HAVCR1: variants seen among roughly 807,000 people sequenced by gnomAD.
The protein encoded by HAVCR1 is T cell immunoglobin domain and mucin domain protein 1.
HAVCR1 carries 34 observed loss-of-function variants against 32.0 expected under a neutral mutation model. That is an observed-to-expected ratio of 1.06 (90% CI 0.81 to 1.42). HAVCR1 has a LOEUF of 1.42. Among genes scored for constraint, HAVCR1 ranks in the 40% most tolerant of loss-of-function variants. The probability of loss-of-function intolerance (pLI) is 0.00; values close to 1 mark genes in which losing one functional copy is unlikely to be tolerated. For missense variants in HAVCR1, 420 were observed against 442.3 expected, an observed-to-expected ratio of 0.95 and a Z score of 0.45; for synonymous variants, 178 against 170.3, an observed-to-expected ratio of 1.05 and a Z score of -0.35.
At chr5:157,060,464 T>C (rs188265006), upstream of HAVCR1, among the ~76,000 whole-genome samples, 55 of 152,286 alleles carry the variant, frequency 3.6e-4, no homozygotes, top group Non-Finnish European at 1.3e-4. Context: ...TTATCCCGGC[T>C]TAAATATGAC....
intron 1 of HAVCR1, 69 bp from the exon 2 acceptor site, chr5:157,058,024 CTCAGATTGCAACTTATCTTT>C: frequency 9.3e-7 from 1 of 1,079,716 alleles, no homozygotes; most frequent in Non-Finnish European, 1.4e-6. Flanking sequence ...AGTCTTAAAT[CTCAGATTGCAACTTATCTTT>C]TCACCCAGTT....
At chr5:157,059,500 C>G (rs1156348158), upstream of HAVCR1, among the ~76,000 whole-genome samples, 1 of 151,962 alleles carries the variant, frequency 6.6e-6, no homozygotes, top group East Asian at 1.9e-4. Context: ...CACGGTGAAA[C>G]CCCGACTCTA....
intron 3 of HAVCR1, among the ~76,000 whole-genome samples, chr5:157,053,184 C>A (rs1293920054): frequency 4.2e-5 from 6 of 142,548 alleles, no homozygotes; most frequent in Non-Finnish European, 9.1e-5. Flanking sequence ...CTCAGGAGTT[C>A]AGAGTTCCAG....
Position 157,029,849 on chromosome 5 carries a change from A to G in HAVCR1, c.987-8T>C. 1.2e-6 allele frequency: 2 copies of G among 1,609,796 alleles called. No individual in the cohort carries two copies. Among genetic ancestry groups the G allele is most frequent in the East Asian group, 2.2e-5 (1 of 44,802 alleles). ...AGGCTGCTAAATGAAACACTGTAGA[A>G]AGAGTTGTTGAAGAATAACATGAGT... On this transcript the variant is annotated splice_polypyrimidine_tract_variant and splice_region_variant and intron_variant, in intron 8 of 8. Transcript: ENST00000523175.
intron 6 of HAVCR1, among the ~76,000 whole-genome samples, chr5:157,039,628 C>T (rs932023576): frequency 5.9e-5 from 9 of 152,312 alleles, no homozygotes; most frequent in Non-Finnish European, 1.0e-4. Flanking sequence ...GAATTACAGG[C>T]GTGAGCCAGC....
chr5:157,053,554 C>A (rs894032071), intron 3 of HAVCR1, among the ~76,000 whole-genome samples: 3 of 151,966 alleles, frequency 2.0e-5, no homozygotes, highest in Non-Finnish European at 2.9e-5. Flanking sequence ...ATTGTAAGAC[C>A]TTAGTGGAAG....
chr5:157,046,966 A>C (rs1167893545), intron 5 of HAVCR1, among the ~76,000 whole-genome samples: 1 of 152,134 alleles, frequency 6.6e-6, no homozygotes, highest in Non-Finnish European at 1.5e-5. Context: ...TATCAACATG[A>C]ATTTAGGGGT....
chr5:157,059,971 C>T (rs904644996), upstream of HAVCR1, among the ~76,000 whole-genome samples: 2 of 151,984 alleles, frequency 1.3e-5, no homozygotes, highest in African/African-American at 2.4e-5. Context: ...AGAGCAAGAC[C>T]CTGTTTCTTA....
chr5:157,037,770 C>A (rs1416286634), intron 6 of HAVCR1, among the ~76,000 whole-genome samples: 2 of 152,140 alleles, frequency 1.3e-5, no homozygotes, highest in Non-Finnish European at 2.9e-5. Flanking sequence ...CATCTCTAAT[C>A]CCAGCACTTT....
At chr5:157,061,796 G>A (rs1407782796), upstream of HAVCR1, among the ~76,000 whole-genome samples, 1 of 152,166 alleles carries the variant, frequency 6.6e-6, no homozygotes, top group African/African-American at 2.4e-5. Context: ...AATGTGGGGG[G>A]TGGGAAGAAT....
At chr5:157,043,851 T>A (rs1561588987) in intron 5 of HAVCR1, among the ~76,000 whole-genome samples, 2 of 152,170 alleles carry the variant, frequency 1.3e-5, no homozygotes, top group Non-Finnish European at 1.5e-5. Context: ...TCTAATTAAG[T>A]GACAAGAGCC....
intron 6 of HAVCR1, among the ~76,000 whole-genome samples, chr5:157,038,596 G>C (rs186167387): frequency 7.0e-4 from 106 of 152,270 alleles, no homozygotes; most frequent in African/African-American, 2.3e-3. Flanking sequence ...TAAACACTAT[G>C]AATATAGTGG....
chr5:157,052,557 C>CCTT lies in HAVCR1; in HGVS notation c.476_477insAAG (p.Thr159_Thr160insArg). 4.6e-5 allele frequency: 33 copies of CCTT among 723,490 alleles called. No individual in the cohort carries two copies. The highest frequency in any genetic ancestry group is 6.5e-5 in the Non-Finnish European group (33 of 510,856). 44.8% of individuals were successfully genotyped at this position (723,490 alleles called of 1,614,324 possible). On this transcript the variant is annotated inframe_insertion, in exon 4 of 9. Coordinates refer to ENST00000523175, the MANE Select transcript of HAVCR1 (RefSeq NM_001173393.3). ...TTGGAACAGTTGTCGTTGGAACAGTCGTCATTGGAACAGTCGTTGTCGTTG... is the reference window on the plus strand; with the variant it reads ...TTGGAACAGTTGTCGTTGGAACAGTCCTTGTCATTGGAACAGTCGTTGTCGTTG...
the HAVCR1 span, among the ~76,000 whole-genome samples, chr5:157,066,428 C>T: frequency 2.0e-5 from 3 of 150,746 alleles, no homozygotes; most frequent in African/African-American, 7.3e-5. Flanking sequence ...TCACTTGAGC[C>T]CAGGAGTTTG....
chr5:157,065,973 G>A, the HAVCR1 span, among the ~76,000 whole-genome samples: 1 of 149,340 alleles, frequency 6.7e-6, no homozygotes, highest in African/African-American at 2.5e-5. Flanking sequence ...GGAGAATGGC[G>A]TGAACCTGGG....
In HAVCR1 at chr5:157,055,337, C is replaced by T; in HGVS notation, c.243G>A (p.Gly81=). The change falls in exon 3 of 9, where the codon GGG becomes GGA. Residue 81 remains glycine (G), a synonymous_variant. Transcript: ENST00000523175. ...YRKDTRYKLL[G]DLSRRDVSLT... ...AAGAGACATCCCTTCTTGAAAGGTC[C>T]CCCAATAGCTTATAGCGTGTGTCCT... The T allele has an allele frequency of 1.2e-6, 2 of 1,613,122 alleles. No individual in the cohort carries two copies. Among genetic ancestry groups the T allele is most frequent in the Non-Finnish European group, 1.7e-6 (2 of 1,179,086 alleles).
chr5:157,052,696 A>C, intron 3 of HAVCR1, 42 bp from the exon 4 acceptor site: 1 of 1,545,844 alleles, frequency 6.5e-7, no homozygotes, highest in Non-Finnish European at 8.9e-7. Flanking sequence ...TAAGTCAAAC[A>C]AGAAACAAGA....
chr5:157,045,567 T>A (rs1443819212), intron 5 of HAVCR1, among the ~76,000 whole-genome samples: 1 of 152,216 alleles, frequency 6.6e-6, no homozygotes, highest in African/African-American at 2.4e-5. Context: ...ATGGGAGTTG[T>A]GTGTCTCCAG....
chr5:157,057,643 C>T (rs1158390539), intron 2 of HAVCR1, among the ~76,000 whole-genome samples: 2 of 152,174 alleles, frequency 1.3e-5, no homozygotes, highest in Non-Finnish European at 2.9e-5. Flanking sequence ...CAAAGGGCAG[C>T]CTGTGACACA....
Sources: allele counts gnomAD v4.1 joint callset (sites outside exome capture counted in the v4.1 genomes callset), GRCh38; gene constraint gnomAD v4.1.1; transcripts MANE v1.5; gene names NCBI Gene and HGNC (gene_info 2026-07-23, HGNC 2026-07-21).